The following KIF26B variants were observed in gnomAD, a reference collection of about 807,000 sequenced individuals.
The protein encoded by KIF26B is kinesin-like protein KIF26B.
Under a neutral mutation model 151.2 loss-of-function variants are expected in KIF26B, and 63 were observed. The ratio of observed to expected loss-of-function variants is 0.42; its 90% CI spans 0.34 to 0.51. The LOEUF (loss-of-function observed/expected upper bound fraction) is 0.51, where lower values mean the gene tolerates loss of function less well. Ranked by LOEUF, KIF26B falls within the 20% of genes least tolerant of loss-of-function variation. KIF26B has a pLI of 0.07. For missense variants in KIF26B, 2,813 were observed against 2,913.6 expected, an observed-to-expected ratio of 0.97 and a Z score of 0.79; for synonymous variants, 1,357 against 1,262.1, an observed-to-expected ratio of 1.08 and a Z score of -1.59.
At chr1:245,650,756 C>T (rs1010226042) in intron 10 of KIF26B, among the ~76,000 whole-genome samples, 2 of 152,228 alleles carry the variant, frequency 1.3e-5, no homozygotes, top group African/African-American at 4.8e-5. Flanking sequence ...CAGCTAGTTG[C>T]TAATGTCTTG....
At chr1:245,251,036 G>A (rs1453705132) in intron 2 of KIF26B, among the ~76,000 whole-genome samples, 1 of 152,138 alleles carries the variant, frequency 6.6e-6, no homozygotes, top group Non-Finnish European at 1.5e-5. Flanking sequence ...CAGTCACATA[G>A]GACACACTTC....
At chr1:245,556,422 G>A (rs1344517089) in intron 5 of KIF26B, among the ~76,000 whole-genome samples, 1 of 149,724 alleles carries the variant, frequency 6.7e-6, no homozygotes, top group Non-Finnish European at 1.5e-5. Flanking sequence ...TTTAAGAAAG[G>A]GTCTGCTTTT....
chr1:245,293,829 C>T (rs917129763), intron 2 of KIF26B, among the ~76,000 whole-genome samples: 2 of 152,148 alleles, frequency 1.3e-5, no homozygotes, highest in South Asian at 2.1e-4. Context: ...CTGCCCGCCT[C>T]GGCCTCCCAA....
intron 5 of KIF26B, among the ~76,000 whole-genome samples, chr1:245,561,593 CATCA>C (rs2042951622): frequency 6.6e-6 from 1 of 152,244 alleles, no homozygotes; most frequent in African/African-American, 2.4e-5. Flanking sequence ...CATTCACATA[CATCA>C]ATCATTTGCA....
intron 10 of KIF26B, among the ~76,000 whole-genome samples, chr1:245,678,833 A>G (rs1035254514): frequency 2.0e-5 from 3 of 151,830 alleles, no homozygotes; most frequent in Admixed American, 2.0e-4. Context: ...ACTGCACTCC[A>G]GCCCGGGTGA....
intron 12 of KIF26B, 50 bp downstream of exon 12, chr1:245,688,857 A>G (rs1315889738): frequency 6.6e-7 from 1 of 1,516,632 alleles, no homozygotes; most frequent in African/African-American, 1.4e-5. Context: ...CAGGTGGGCG[A>G]GCTGCCCAAA....
At chr1:245,158,903 A>G (rs1330006823) in intron 2 of KIF26B, among the ~76,000 whole-genome samples, 1 of 151,860 alleles carries the variant, frequency 6.6e-6, no homozygotes, top group East Asian at 1.9e-4. Flanking sequence ...CCTTGCATTT[A>G]GGTACAATTT....
chr1:245,698,006 C>A lies in KIF26B; in HGVS notation c.5825-100C>A. The A allele has an allele frequency of 9.3e-7, 1 of 1,077,522 alleles. No homozygotes were observed. Among genetic ancestry groups the A allele is most frequent in the Non-Finnish European group, 1.3e-6 (1 of 752,320 alleles). 66.7% of individuals were successfully genotyped at this position (1,077,522 alleles called of 1,614,324 possible). On this transcript the variant is annotated intron_variant, in intron 12 of 14. Coordinates refer to ENST00000407071, the MANE Select transcript of KIF26B (RefSeq NM_018012.4). The surrounding 1 kb of genome is among the most constrained non-coding windows in gnomAD (Gnocchi z 4.0). ...CAGTGAGCTATGGATCGCACCACTGCACTCCAGCCTGGGCAACAGAGCAAG... is the reference window on the plus strand; with the variant it reads ...CAGTGAGCTATGGATCGCACCACTGAACTCCAGCCTGGGCAACAGAGCAAG...
At chr1:245,400,595 C>A (rs528792766) in intron 3 of KIF26B, among the ~76,000 whole-genome samples, 1 of 150,798 alleles carries the variant, frequency 6.6e-6, no homozygotes, top group Non-Finnish European at 1.5e-5. Context: ...AGCATTGAGA[C>A]GTGGCTAGTC....
intron 3 of KIF26B, among the ~76,000 whole-genome samples, chr1:245,383,882 T>C (rs928787736): frequency 6.6e-6 from 1 of 152,200 alleles, no homozygotes; most frequent in East Asian, 1.9e-4. Flanking sequence ...GAGAAGGTGA[T>C]TTGCCGACTG....
At chr1:245,639,311 G>T (rs559760555) in intron 9 of KIF26B, among the ~76,000 whole-genome samples, 2 of 151,940 alleles carry the variant, frequency 1.3e-5, no homozygotes, top group African/African-American at 4.8e-5. Flanking sequence ...TGTAGTATCA[G>T]TTGTAATGTC....
Position 245,283,019 on chromosome 1 carries a change from T to A in KIF26B, c.466-83815T>A, listed in dbSNP as rs1671090979. 6.8e-5 allele frequency: 19 copies of A among 280,222 alleles called. No individual in the cohort carries two copies. In the South Asian group the frequency reaches 8.0e-4, roughly 12 times the overall value. The allele number at this position is 280,222 out of a possible 1,614,324, so 17.4% of individuals were successfully genotyped here. A position where few individuals can be genotyped will look rare whatever the true frequency, so the allele number is the denominator to read the frequency against. ...CTTGAGGCTCCATGTGCTTCATGGC[T>A]TGCAACACCTAATGGCCTGCAAATT... On this transcript the variant is annotated intron_variant, in intron 2 of 14. Coordinates refer to ENST00000407071, the MANE Select transcript of KIF26B (RefSeq NM_018012.4).
At chr1:245,421,374 G>T (rs1471860106) in intron 4 of KIF26B, among the ~76,000 whole-genome samples, 1 of 152,154 alleles carries the variant, frequency 6.6e-6, no homozygotes. Context: ...TGGAGACTTG[G>T]TTCGTTCTGT....
chr1:245,662,185 A>G (rs1446701496), intron 10 of KIF26B, among the ~76,000 whole-genome samples: 1 of 150,564 alleles, frequency 6.6e-6, no homozygotes, highest in Non-Finnish European at 1.5e-5. Context: ...CACACCCAAT[A>G]TATATATACC....
intron 3 of KIF26B, among the ~76,000 whole-genome samples, chr1:245,411,700 C>T (rs1674288667): frequency 6.6e-6 from 1 of 152,096 alleles, no homozygotes; most frequent in South Asian, 2.1e-4. Context: ...GGAGACCCCT[C>T]TGCCAGATAC....
rs1221209505 is a variant in KIF26B, at chr1:245,401,072, G to A, written c.1000-18507G>A. On this transcript the variant is annotated intron_variant, in intron 3 of 14. Transcript: ENST00000407071. ...TGCTTCAAGTTCCCAGTTGAGATGA[G>A]AATTGAATCTTTTTGTTTAATTTTA... Among the ~76,000 whole-genome samples, 3 of 152,114 alleles carry A rather than the reference G, an allele frequency of 2.0e-5. 1 individual carries two copies. Among genetic ancestry groups the A allele is most frequent in the Admixed American group, 2.0e-4 (3 of 15,274 alleles).
intron 3 of KIF26B, among the ~76,000 whole-genome samples, chr1:245,419,172 A>G (rs1381968647): frequency 6.6e-6 from 1 of 152,180 alleles, no homozygotes; most frequent in East Asian, 1.9e-4. Flanking sequence ...CTCTCTTCAT[A>G]GAACTATGCC....
At chr1:245,677,127 G>T (rs1000505185) in intron 10 of KIF26B, among the ~76,000 whole-genome samples, 1 of 152,194 alleles carries the variant, frequency 6.6e-6, no homozygotes, top group African/African-American at 2.4e-5. Context: ...GCCAACCAGC[G>T]GTCTCAGGAT....
rs1183187833 is a variant in KIF26B at position 245,157,912 on chromosome 1, A to G, written c.465+1229A>G. Among the ~76,000 whole-genome samples the G allele has an allele frequency of 2.6e-5, 4 of 152,068 alleles. No individual in the cohort carries two copies. In the East Asian group the frequency reaches 5.8e-4, roughly 22 times the overall value. On this transcript the variant is annotated intron_variant, in intron 2 of 14. Transcript: ENST00000407071. ...CTTCATCAATATTCATTGATTTTCT[A>G]CTCCATCCGAGGCACTGTGTCAGGC...
Sources: gnomAD v4.1 joint callset for allele counts (sites outside exome capture counted in the v4.1 genomes callset) on GRCh38, gnomAD v4.1.1 for gene constraint, Gnocchi (gnomAD v3.1) non-coding constraint, MANE v1.5 for transcripts, NCBI Gene and HGNC (gene_info 2026-07-23, HGNC 2026-07-21) for gene names.